CNOT9: variants seen among roughly 807,000 people sequenced by gnomAD.
The protein encoded by CNOT9 is RCD1 required for cell differentiation1 homolog.
CNOT9 carries 8 observed loss-of-function variants against 37.4 expected under a neutral mutation model. The ratio of observed to expected loss-of-function variants is 0.21; its 90% CI spans 0.13 to 0.39. The LOEUF (loss-of-function observed/expected upper bound fraction) is 0.39, where lower values mean the gene tolerates loss of function less well. CNOT9 is among the 10% of genes least tolerant of loss of function. The pLI, the probability that CNOT9 is intolerant of heterozygous loss-of-function variation, is 1.00. For missense variants in CNOT9, 154 were observed against 365.3 expected (o/e 0.42, Z 4.71); for synonymous variants, 120 against 137.6 (o/e 0.87, Z 0.90).
At chr2:218,580,306 C>G (rs1412035533) in intron 1 of CNOT9, among the ~76,000 whole-genome samples, 2 of 152,144 alleles carry the variant, frequency 1.3e-5, no homozygotes, top group African/African-American at 4.8e-5. Context: ...AGTAAACATC[C>G]TGGTATGTCT....
At chr2:218,573,046 A>C (rs1286514092) in intron 1 of CNOT9, among the ~76,000 whole-genome samples, 3 of 152,158 alleles carry the variant, frequency 2.0e-5, no homozygotes, top group Admixed American at 2.0e-4. Context: ...TGGGCCGGGC[A>C]TGGTGGCTCA....
chr2:218,570,897 T>C (rs766491972), intron 1 of CNOT9, among the ~76,000 whole-genome samples: 1 of 152,264 alleles, frequency 6.6e-6, no homozygotes, highest in Non-Finnish European at 1.5e-5. Flanking sequence ...TCACTTAGGA[T>C]GTTTGGACCT....
intron 5 of CNOT9, among the ~76,000 whole-genome samples, chr2:218,591,884 A>G (rs935785285): frequency 1.3e-5 from 2 of 152,216 alleles, no homozygotes; most frequent in Non-Finnish European, 2.9e-5. Flanking sequence ...CAGCTGTGCC[A>G]TAGTAACTTT....
At position 218,592,195 on chromosome 2, in the gene CNOT9, C is replaced by A; in HGVS notation, c.541-109C>A. On this transcript the variant is annotated intron_variant, in intron 5 of 7. Transcript: ENST00000273064. The surrounding 1 kb of genome is among the most constrained non-coding windows in gnomAD (Gnocchi z 4.1). ...AAGTTGTACATAATATACAAGGATC[C>A]CTGCTTGCTCAATTTTCTGACTGAT... 1 of 745,068 alleles carries A rather than the reference C, an allele frequency of 1.3e-6. No homozygotes were observed. The highest frequency in any genetic ancestry group is 1.6e-5 in the South Asian group (1 of 61,224). The allele number at this position is 745,068 out of a possible 1,614,324, so 46.2% of individuals were successfully genotyped here.
chr2:218,582,997 C>T lies in CNOT9; in HGVS notation c.231C>T (p.Ile77=), dbSNP rs372653998. The T allele has an allele frequency of 7.6e-5, 123 of 1,611,730 alleles. No individual in the cohort carries two copies. Among genetic ancestry groups the T allele is most frequent in the Non-Finnish European group, 1.0e-4 (120 of 1,178,620 alleles). ...LQEIVNIYPS[I]NPPTLTAHQS... ...AAATTGTAAATATTTATCCATCTAT[C>T]AACCCACCCACCTTGACAGCACACC... Residue 77 remains isoleucine (I), a synonymous_variant, in exon 3 of 8, where the codon ATC becomes ATT. Coordinates refer to ENST00000273064, the MANE Select transcript of CNOT9 (RefSeq NM_005444.3).
Position 218,592,608 on chromosome 2 carries a change from G to A in CNOT9, c.640-8G>A. On this transcript the variant is annotated splice_region_variant and splice_polypyrimidine_tract_variant and intron_variant, in intron 6 of 7. Coordinates refer to ENST00000273064, the MANE Select transcript of CNOT9 (RefSeq NM_005444.3). The surrounding 1 kb of genome is among the most constrained non-coding windows in gnomAD (Gnocchi z 4.1). The stretch of plus-strand genomic sequence containing the variant: ...TTCCAACCCCTCCCCTTATTTTGGG[G>A]GAAACAGGGTAAGATGGTCCTGCAG... 1.2e-6 allele frequency: 2 copies of A among 1,613,930 alleles called. No individual in the cohort carries two copies. The highest frequency in any genetic ancestry group is 1.7e-6 in the Non-Finnish European group (2 of 1,179,830).
intron 1 of CNOT9, among the ~76,000 whole-genome samples, chr2:218,576,478 C>G (rs1694174081): frequency 6.6e-6 from 1 of 152,164 alleles, no homozygotes; most frequent in East Asian, 1.9e-4. Context: ...GTACTGACTT[C>G]TCTCTGAAAA....
chr2:218,586,636 G>C (rs776941441), intron 4 of CNOT9, among the ~76,000 whole-genome samples: 1 of 151,736 alleles, frequency 6.6e-6, no homozygotes, highest in Non-Finnish European at 1.5e-5. Flanking sequence ...CTACAGGTGC[G>C]TGCCACCACA....
intron 1 of CNOT9, among the ~76,000 whole-genome samples, chr2:218,576,210 G>C (rs1349749563): frequency 6.6e-6 from 1 of 152,164 alleles, no homozygotes; most frequent in African/African-American, 2.4e-5. Context: ...GGATATGGAA[G>C]GAGAGTAAGA....
intron 1 of CNOT9, among the ~76,000 whole-genome samples, chr2:218,578,654 C>T (rs375807883): frequency 6.6e-6 from 1 of 151,862 alleles, no homozygotes; most frequent in African/African-American, 2.4e-5. Context: ...AGCCTTCCCC[C>T]CCGCCTCCCG....
At chr2:218,570,317 A>C (rs1490872470) in intron 1 of CNOT9, among the ~76,000 whole-genome samples, 1 of 152,308 alleles carries the variant, frequency 6.6e-6, no homozygotes, top group East Asian at 1.9e-4. Context: ...AAAGCACCAA[A>C]AATTGCCATA....
intron 5 of CNOT9, 41 bp downstream of exon 5, chr2:218,587,736 T>A: frequency 1.9e-6 from 2 of 1,077,644 alleles, no homozygotes; most frequent in Non-Finnish European, 2.7e-6. Context: ...TGTTGACTCT[T>A]AAGCTGCTTC....
At chr2:218,569,094 C>A in intron 1 of CNOT9, 116 bp downstream of exon 1, 1 of 1,120,492 alleles carries the variant, frequency 8.9e-7, no homozygotes, top group Non-Finnish European at 1.3e-6. Flanking sequence ...TGCCCTCAAT[C>A]TCCAAGGCCC....
At chr2:218,590,912 A>C (rs1250211127) in intron 5 of CNOT9, among the ~76,000 whole-genome samples, 2 of 151,928 alleles carry the variant, frequency 1.3e-5, no homozygotes, top group African/African-American at 2.4e-5. Flanking sequence ...TGCATCCTTG[A>C]ACTCCTGGCC....
intron 1 of CNOT9, among the ~76,000 whole-genome samples, chr2:218,574,471 GT>G (rs1373825433): frequency 1.6e-4 from 24 of 152,186 alleles, no homozygotes; most frequent in African/African-American, 5.8e-4. Context: ...ATTTAAGAAA[GT>G]TTTTTTGGGT....
intron 1 of CNOT9, among the ~76,000 whole-genome samples, chr2:218,576,280 G>A (rs1239112978): frequency 1.3e-5 from 2 of 152,048 alleles, no homozygotes; most frequent in Non-Finnish European, 2.9e-5. Flanking sequence ...CAATCATCTG[G>A]TTATATAAAT....
At chr2:218,572,931 C>T (rs1694045920) in intron 1 of CNOT9, among the ~76,000 whole-genome samples, 1 of 152,218 alleles carries the variant, frequency 6.6e-6, no homozygotes, top group Admixed American at 6.5e-5. Context: ...GGATTTAATT[C>T]ACTTTCTCCT....
intron 5 of CNOT9, among the ~76,000 whole-genome samples, chr2:218,591,173 A>C (rs1428401061): frequency 6.6e-6 from 1 of 152,206 alleles, no homozygotes; most frequent in Non-Finnish European, 1.5e-5. Context: ...GCCATTATTC[A>C]GCCTACTACA....
chr2:218,568,978 G>A lies in CNOT9; in HGVS notation c.24G>A (p.Ala8=). 1 of 1,611,340 alleles carries A rather than the reference G, an allele frequency of 6.2e-7. No homozygotes were observed. The highest frequency in any genetic ancestry group is 8.5e-7 in the Non-Finnish European group (1 of 1,178,828). The part of the protein sequence containing the change: MHSLATA[A]PVPTTLAQVD... ...ACATGCACAGCCTGGCGACGGCTGCGGTGAGTGGCTGGGCCCCCAGGCTTG... is the reference window on the plus strand; with the variant it reads ...ACATGCACAGCCTGGCGACGGCTGCAGTGAGTGGCTGGGCCCCCAGGCTTG... The change falls in exon 1 of 8, where the codon GCG becomes GCA. Residue 8 remains alanine, a splice_region_variant and synonymous_variant. Coordinates refer to ENST00000273064, the MANE Select transcript of CNOT9 (RefSeq NM_005444.3).
Sources: allele counts gnomAD v4.1 joint callset (sites outside exome capture counted in the v4.1 genomes callset), GRCh38; gene constraint gnomAD v4.1.1; non-coding constraint Gnocchi (gnomAD v3.1); transcripts MANE v1.5; gene names NCBI Gene and HGNC (gene_info 2026-07-23, HGNC 2026-07-21).